SI: variants seen among roughly 807,000 people sequenced by gnomAD.
SI encodes sucrase-isomaltase, intestinal.
SI carries 235 observed loss-of-function variants against 253.3 expected under a neutral mutation model. The ratio of observed to expected loss-of-function variants is 0.93; its 90% CI spans 0.83 to 1.03. SI has a LOEUF of 1.03. Among genes scored for constraint, SI ranks in the 50% least tolerant of loss-of-function variants. SI has a pLI of 0.00. For synonymous variants in SI, 819 were observed against 712.0 expected (o/e 1.15, Z -2.39); for missense variants, 2,442 against 2,211.1 (o/e 1.10, Z -2.09).
the SI span, among the ~76,000 whole-genome samples, chr3:165,090,160 AGAG>A: frequency 3.7e-4 from 49 of 133,578 alleles, no homozygotes; most frequent in African/African-American, 8.6e-4. Flanking sequence ...AAAAAAAAAA[AGAG>A]AGAGAGAGAG....
intron 15 of SI, among the ~76,000 whole-genome samples, chr3:165,048,566 TGTATATATATATATATATAGAG>T (rs1356117161): frequency 8.0e-5 from 4 of 49,946 alleles, no homozygotes; most frequent in African/African-American, 3.9e-4. Context: ...CATATATATA[TGTATATATATATATATATAGAG>T]AGAGAGAGAG....
At chr3:165,064,667 T>G (rs1373435707) in intron 7 of SI, among the ~76,000 whole-genome samples, 1 of 151,974 alleles carries the variant, frequency 6.6e-6, no homozygotes, top group East Asian at 1.9e-4. Context: ...TTATACTAAG[T>G]CAAGTATAAA....
chr3:164,981,416 T>C (rs1717186794), intron 47 of SI, among the ~76,000 whole-genome samples: 2 of 152,002 alleles, frequency 1.3e-5, no homozygotes, highest in Admixed American at 1.3e-4. Context: ...AATGCATATA[T>C]ATATATTTTT....
chr3:165,009,920 G>A (rs1177007545), intron 34 of SI, among the ~76,000 whole-genome samples: 1 of 151,882 alleles, frequency 6.6e-6, no homozygotes, highest in East Asian at 1.9e-4. Context: ...TTCCCTACTT[G>A]CCAGTCGAAA....
chr3:165,036,543 A>T (rs1375138303), intron 21 of SI, 66 bp from the exon 22 acceptor site: 1 of 1,102,890 alleles, frequency 9.1e-7, no homozygotes, highest in East Asian at 2.4e-5. Context: ...TATCCTATAA[A>T]CAAGTCCACT....
chr3:164,993,087 G>C (rs1351366189), intron 41 of SI, among the ~76,000 whole-genome samples: 2 of 151,612 alleles, frequency 1.3e-5, no homozygotes, highest in East Asian at 3.9e-4. Flanking sequence ...TGAGATTAAT[G>C]CTGAATTGGA....
intron 37 of SI, among the ~76,000 whole-genome samples, chr3:165,003,503 T>C (rs1021916191): frequency 2.0e-5 from 3 of 152,066 alleles, no homozygotes; most frequent in Non-Finnish European, 4.4e-5. Context: ...TTGGATTTGG[T>C]GAACAAGTGA....
In SI at chr3:165,007,948, G is replaced by T; in HGVS notation, c.4230C>A (p.Cys1410Ter). The T allele has an allele frequency of 6.2e-7, 1 of 1,601,858 alleles. No individual in the cohort carries two copies. Among genetic ancestry groups the T allele is most frequent in the South Asian group, 1.1e-5 (1 of 90,790 alleles). ...SFVNGTTTNQ[C>*]RNDELNYPPY... ...GTGGATAATTTAGTTCGTCATTTCT[G>T]CATTGATTAGTAGTTGTTCCATTTA... is the stretch of plus-strand genomic sequence containing the variant. The change falls in exon 36 of 48, where the codon TGC becomes TGA. Residue 1410 changes from cysteine (C) to a stop codon, truncating the protein, a stop_gained. Coordinates refer to ENST00000264382, the MANE Select transcript of SI (RefSeq NM_001041.4). LOFTEE classifies it high-confidence loss of function.
chr3:165,019,658 T>A lies in SI; in HGVS notation c.3367A>T (p.Lys1123Ter), dbSNP rs1719212298. 6.2e-7 allele frequency: 1 copy of A among 1,612,528 alleles called. No individual in the cohort carries two copies. The highest frequency in any genetic ancestry group is 1.7e-5 in the Admixed American group (1 of 59,786). ...CAAGTATTCCAGTTCAGATCTCGCT[T>A]AAATGCTGTATGTTCCACTTCCCCA... ...GFGEVEHTAF[K>*]RDLNWNTWGM... is the part of the protein sequence containing the mutation. Residue 1123 changes from lysine to a stop codon, truncating the protein, a stop_gained, in exon 28 of 48, where the codon AAG (lysine) becomes TAG (stop). Coordinates refer to ENST00000264382, the MANE Select transcript of SI (RefSeq NM_001041.4). LOFTEE classifies it high-confidence loss of function.
At chr3:165,016,657 T>C (rs967058281) in intron 31 of SI, among the ~76,000 whole-genome samples, 4 of 151,990 alleles carry the variant, frequency 2.6e-5, no homozygotes, top group Non-Finnish European at 5.9e-5. Flanking sequence ...ATTGCAAGTA[T>C]GTTTAAACCA....
At chr3:165,082,791 A>G (rs1233684123), upstream of SI, among the ~76,000 whole-genome samples, 1 of 151,992 alleles carries the variant, frequency 6.6e-6, no homozygotes, top group Non-Finnish European at 1.5e-5. Flanking sequence ...ATTCTCCCTT[A>G]TCAAAGCTCA....
chr3:164,989,461 A>AGGAGC (rs1717626848), intron 44 of SI, among the ~76,000 whole-genome samples: 1 of 125,360 alleles, frequency 8.0e-6, no homozygotes, highest in South Asian at 2.9e-4. Context: ...AGGAGAGGAG[A>AGGAGC]GGAGAAGAGA....
chr3:165,066,197 A>G (rs1714238389), intron 6 of SI, among the ~76,000 whole-genome samples: 1 of 151,970 alleles, frequency 6.6e-6, no homozygotes, highest in South Asian at 2.1e-4. Context: ...TAATCTAGAA[A>G]TGATTTAAGT....
chr3:165,073,139 C>T (rs1560020224), intron 3 of SI, among the ~76,000 whole-genome samples: 1 of 150,884 alleles, frequency 6.6e-6, no homozygotes, highest in Non-Finnish European at 1.5e-5. Flanking sequence ...CATATTGTTC[C>T]TAATAGAATT....
At position 165,059,751 on chromosome 3, in the gene SI, T is replaced by C; in HGVS notation, c.1146+151A>G. On this transcript the variant is annotated intron_variant, in intron 10 of 47. Transcript: ENST00000264382. ...TTTCAGGAGGCAAGGGCATTACATA[T>C]GAGATAAAATATACTTTACAATTAA... 3 of 790,522 alleles carry C rather than the reference T, an allele frequency of 3.8e-6. No individual in the cohort carries two copies. In the Admixed American group the frequency reaches 6.4e-5, roughly 17 times the overall value. 49.0% of individuals were successfully genotyped at this position (790,522 alleles called of 1,614,324 possible).
chr3:165,006,394 G>A lies in SI; in HGVS notation c.4406+422C>T, dbSNP rs111315395. On this transcript the variant is annotated intron_variant, in intron 37 of 47. Coordinates refer to ENST00000264382, the MANE Select transcript of SI (RefSeq NM_001041.4). The stretch of plus-strand genomic sequence containing the variant: ...CAAAGTGCTGGGATTACAGGCGTGA[G>A]CCACTGTGCCTGGGCTGACAATGAA... 6.6e-4 allele frequency among the ~76,000 whole-genome samples: 101 copies of A among 152,318 alleles called. 2 individuals are homozygous for A. Among genetic ancestry groups the A allele is most frequent in the African/African-American group, 2.1e-3 (88 of 41,582 alleles).
At chr3:165,075,437 ACTTTCCTCTACCTGC>A (rs1714892636) in intron 2 of SI, among the ~76,000 whole-genome samples, 1 of 151,930 alleles carries the variant, frequency 6.6e-6, no homozygotes, top group African/African-American at 2.4e-5. Context: ...TCTTTTTTCA[ACTTTCCTCTACCTGC>A]CTTTCTCATA....
intron 47 of SI, among the ~76,000 whole-genome samples, chr3:164,980,538 C>T (rs1394893091): frequency 1.3e-5 from 2 of 151,834 alleles, no homozygotes; most frequent in East Asian, 3.9e-4. Flanking sequence ...TCTATGAAGG[C>T]TTGGAAAACA....
At chr3:164,990,318 CAG>C (rs1479809805) in intron 44 of SI, among the ~76,000 whole-genome samples, 3 of 151,816 alleles carry the variant, frequency 2.0e-5, no homozygotes, top group African/African-American at 7.3e-5. Context: ...ATGTCAGAAA[CAG>C]AAAAGTAGGG....
Sources: allele counts gnomAD v4.1 joint callset (sites outside exome capture counted in the v4.1 genomes callset), GRCh38; gene constraint gnomAD v4.1.1; transcripts MANE v1.5; gene names NCBI Gene and HGNC (gene_info 2026-07-23, HGNC 2026-07-21).